AFF3: variants seen among roughly 807,000 people sequenced by gnomAD.
AFF3 encodes the protein ALF transcription elongation factor 3, also known as AF4/FMR2 family member 3.
AFF3 carries 32 observed loss-of-function variants against 129.7 expected under a neutral mutation model. The ratio of observed to expected loss-of-function variants is 0.25; its 90% CI spans 0.19 to 0.33. The LOEUF (loss-of-function observed/expected upper bound fraction) is 0.33. Among genes scored for constraint, AFF3 ranks in the 10% least tolerant of loss-of-function variants. The probability of loss-of-function intolerance (pLI) is 1.00; values close to 1 mark genes in which losing one functional copy is unlikely to be tolerated. For missense variants in AFF3, 1,373 were observed against 1,592.0 expected (o/e 0.86, Z 2.34); for synonymous variants, 644 against 635.4 (o/e 1.01, Z -0.20).
At chr2:100,036,153 A>C (rs1014733559) in intron 4 of AFF3, among the ~76,000 whole-genome samples, 8 of 150,686 alleles carry the variant, frequency 5.3e-5, no homozygotes, top group East Asian at 3.9e-4. Context: ...AAAAAAAAAA[A>C]AAAAAAACAA....
chr2:100,118,091 TTTGA>T (rs1485007822), intron 2 of AFF3, among the ~76,000 whole-genome samples: 3 of 152,196 alleles, frequency 2.0e-5, no homozygotes, highest in Non-Finnish European at 4.4e-5. Context: ...ATTTACTTCC[TTTGA>T]TTTCTATCTT....
chr2:99,860,048 C>A (rs1690859015), intron 7 of AFF3, among the ~76,000 whole-genome samples: 1 of 152,114 alleles, frequency 6.6e-6, no homozygotes, highest in African/African-American at 2.4e-5. Flanking sequence ...ATATAGAAAC[C>A]ACACTCTCCG....
At chr2:99,991,910 A>C (rs1680377991) in intron 7 of AFF3, among the ~76,000 whole-genome samples, 2 of 150,500 alleles carry the variant, frequency 1.3e-5, no homozygotes, top group Non-Finnish European at 2.9e-5. Context: ...CTCAAAAACA[A>C]AAACAAAAAC....
In AFF3 at chr2:99,648,917, A is replaced by ACTCTCTCTCTCT. The variant is rs769906171; in HGVS notation, c.1184+697_1184+708dup. Among the ~76,000 whole-genome samples the ACTCTCTCTCTCT allele has an allele frequency of 3.0e-4, 14 of 46,936 alleles. No homozygotes were observed. The South Asian group carries it at 7.4e-3, about 25-fold the overall frequency. The allele number at this position is 46,936 out of a possible 152,430, so 30.8% of individuals were successfully genotyped here. ...CACACACACACACACACACACACACACTCTCTCTCTCTCTCTCTCTCCAAT... is the reference window on the plus strand; with the variant it reads ...CACACACACACACACACACACACACACTCTCTCTCTCTCTCTCTCTCTCTCTCTCTCTCCAAT... On this transcript the variant is annotated intron_variant, in intron 13 of 24. Coordinates refer to ENST00000672756, the MANE Select transcript of AFF3 (RefSeq NM_001386135.1).
At chr2:99,995,138 C>A (rs1450818329) in intron 7 of AFF3, among the ~76,000 whole-genome samples, 5 of 152,086 alleles carry the variant, frequency 3.3e-5, no homozygotes, top group Non-Finnish European at 7.4e-5. Flanking sequence ...TGCACTAGGT[C>A]TTGAAGGAAG....
chr2:99,987,137 G>A (rs1373090041), intron 7 of AFF3, among the ~76,000 whole-genome samples: 2 of 152,326 alleles, frequency 1.3e-5, no homozygotes, highest in South Asian at 4.1e-4. Flanking sequence ...CCCCTAAAAG[G>A]AGGGTCTCTC....
chr2:100,122,024 T>G (rs1322938539), intron 2 of AFF3, among the ~76,000 whole-genome samples: 1 of 152,192 alleles, frequency 6.6e-6, no homozygotes, highest in African/African-American at 2.4e-5. Context: ...ATTGCGCCAC[T>G]GCAGTCCGCA....
chr2:99,997,610 C>T (rs1024258551), intron 7 of AFF3, among the ~76,000 whole-genome samples: 4 of 152,148 alleles, frequency 2.6e-5, no homozygotes, highest in Non-Finnish European at 5.9e-5. Flanking sequence ...CTCCTCTGCT[C>T]CAAACCCTTC....
intron 7 of AFF3, among the ~76,000 whole-genome samples, chr2:99,887,507 C>A (rs577465740): frequency 6.6e-6 from 1 of 152,244 alleles, no homozygotes; most frequent in African/African-American, 2.4e-5. Flanking sequence ...TCCGTGCTCA[C>A]AAAATATCAT....
At chr2:99,749,975 C>A (rs561112937) in intron 9 of AFF3, among the ~76,000 whole-genome samples, 6 of 152,096 alleles carry the variant, frequency 3.9e-5, no homozygotes, top group Admixed American at 3.9e-4. Context: ...ACTTACTGAC[C>A]ATTGAAAAGA....
At chr2:100,053,184 T>C (rs1686489737) in intron 4 of AFF3, among the ~76,000 whole-genome samples, 1 of 152,232 alleles carries the variant, frequency 6.6e-6, no homozygotes, top group Non-Finnish European at 1.5e-5. Context: ...AATTATGTTT[T>C]ACTCAAAAGT....
At chr2:99,954,319 T>A (rs1676431033) in intron 7 of AFF3, among the ~76,000 whole-genome samples, 1 of 152,332 alleles carries the variant, frequency 6.6e-6, no homozygotes, top group African/African-American at 2.4e-5. Flanking sequence ...CTTAGGGCTA[T>A]TCTGATTTAA....
At chr2:99,928,545 G>A (rs1296109479) in intron 7 of AFF3, among the ~76,000 whole-genome samples, 3 of 152,306 alleles carry the variant, frequency 2.0e-5, no homozygotes, top group African/African-American at 7.2e-5. Flanking sequence ...TCCAGTGTCA[G>A]ATGGAGCTTG....
At chr2:99,806,448 G>C (rs1030669851) in intron 8 of AFF3, among the ~76,000 whole-genome samples, 13 of 152,146 alleles carry the variant, frequency 8.5e-5, no homozygotes, top group African/African-American at 2.9e-4. Flanking sequence ...GTGTGTGCCA[G>C]GACCCCAGGA....
intron 7 of AFF3, among the ~76,000 whole-genome samples, chr2:99,893,203 C>T (rs1259049893): frequency 6.6e-6 from 1 of 152,252 alleles, no homozygotes; most frequent in African/African-American, 2.4e-5. Flanking sequence ...GGGCCACCTT[C>T]TGCTCAGGAT....
chr2:99,561,373 T>C (rs930736454), intron 20 of AFF3, among the ~76,000 whole-genome samples: 7 of 152,226 alleles, frequency 4.6e-5, no homozygotes, highest in African/African-American at 1.7e-4. Context: ...TGTTATCTCT[T>C]TGCATAATTT....
intron 4 of AFF3, among the ~76,000 whole-genome samples, chr2:100,016,620 ATGG>A (rs1230442861): frequency 8.5e-4 from 55 of 64,450 alleles, no homozygotes; most frequent in Non-Finnish European, 1.4e-3. Flanking sequence ...GGTAATGGTG[ATGG>A]TGGTGGTGGT....
intron 10 of AFF3, among the ~76,000 whole-genome samples, chr2:99,735,934 T>C (rs977636966): frequency 2.0e-5 from 3 of 152,230 alleles, no homozygotes. Context: ...TTTCTAAACA[T>C]GTGTTTTCCC....
intron 8 of AFF3, among the ~76,000 whole-genome samples, chr2:99,764,398 C>A (rs896314341): frequency 6.6e-6 from 1 of 152,016 alleles, no homozygotes; most frequent in Non-Finnish European, 1.5e-5. Flanking sequence ...TAATTTTGGA[C>A]CTTTCTGGAG....
Sources: allele counts gnomAD v4.1 joint callset (sites outside exome capture counted in the v4.1 genomes callset), GRCh38; gene constraint gnomAD v4.1.1; transcripts MANE v1.5; gene names NCBI Gene and HGNC (gene_info 2026-07-23, HGNC 2026-07-21).